Variants in NDC80 observed in about 807,000 individuals in gnomAD.
NDC80 encodes kinetochore protein NDC80 homolog.
NDC80 carries 69 observed loss-of-function variants against 89.3 expected under a neutral mutation model. The observed-to-expected ratio is 0.77, with a 90% confidence interval of 0.64 to 0.94. The LOEUF is 0.94. NDC80 is among the 40% of genes least tolerant of loss of function. The probability of loss-of-function intolerance (pLI) is 0.00; values close to 1 mark genes in which losing one functional copy is unlikely to be tolerated. For missense variants in NDC80, 593 were observed against 739.6 expected (o/e 0.80, Z 2.30); for synonymous variants, 243 against 255.6 (o/e 0.95, Z 0.47).
intron 10 of NDC80, 68 bp downstream of exon 10, chr18:2,590,230 C>T: frequency 1.4e-6 from 2 of 1,401,942 alleles, no homozygotes. Flanking sequence ...GTAAAAACAG[C>T]TTTGTTATCC....
intron 6 of NDC80, chr18:2,582,249 G>A (rs1002430990): frequency 6.6e-6 from 1 of 152,076 alleles, no homozygotes; most frequent in African/African-American, 2.4e-5. Flanking sequence ...GCTAATTTTT[G>A]TATTTTCAGT....
At chr18:2,597,543 C>A (rs1395817654) in intron 11 of NDC80, among the ~76,000 whole-genome samples, 1 of 151,998 alleles carries the variant, frequency 6.6e-6, no homozygotes, top group Non-Finnish European at 1.5e-5. Context: ...CCAGCCTGGC[C>A]AACATGGTGA....
rs377117140 is a variant in NDC80, at chr18:2,585,222, A to G, written c.669+20A>G. On this transcript the variant is annotated intron_variant, in intron 7 of 16. Transcript: ENST00000261597. ...AATAAGGTACCATGTATTATCATAA[A>G]CTGTAATAATGAATTGCCTTGATAT... is the stretch of plus-strand genomic sequence containing the variant. The G allele has an allele frequency of 2.6e-6, 4 of 1,553,754 alleles. No individual in the cohort carries two copies. The highest frequency in any genetic ancestry group is 2.7e-5 in the African/African-American group (2 of 73,748).
At chr18:2,598,756 T>C (rs2072669823) in intron 11 of NDC80, among the ~76,000 whole-genome samples, 1 of 152,198 alleles carries the variant, frequency 6.6e-6, no homozygotes, top group Admixed American at 6.5e-5. Flanking sequence ...TGGACTCTTA[T>C]TCCAAGCTGT....
At chr18:2,572,271 G>T (rs527769337) in intron 1 of NDC80, among the ~76,000 whole-genome samples, 4 of 152,348 alleles carry the variant, frequency 2.6e-5, no homozygotes, top group Admixed American at 1.3e-4. Flanking sequence ...ACCTGAGAAG[G>T]CTGGGTGCAG....
At chr18:2,574,896 G>A (rs2072538613) in intron 2 of NDC80, 93 bp from the exon 3 acceptor site, 1 of 761,912 alleles carries the variant, frequency 1.3e-6, no homozygotes, top group South Asian at 1.7e-5. Context: ...TATAGCTAGT[G>A]GGGAAGAGTT....
chr18:2,591,979 C>T (rs1889293740), intron 10 of NDC80, among the ~76,000 whole-genome samples: 1 of 152,146 alleles, frequency 6.6e-6, no homozygotes, highest in South Asian at 2.1e-4. Context: ...TGGTCTCAAA[C>T]TCCTGACCTC....
chr18:2,613,526 G>A (rs746755521), intron 16 of NDC80, among the ~76,000 whole-genome samples: 11 of 152,054 alleles, frequency 7.2e-5, no homozygotes, highest in Non-Finnish European at 1.6e-4. Context: ...CAGAATAGTT[G>A]GATAAAATGA....
At chr18:2,572,449 A>C (rs572538916) in intron 1 of NDC80, among the ~76,000 whole-genome samples, 13 of 152,362 alleles carry the variant, frequency 8.5e-5, no homozygotes, top group Non-Finnish European at 1.6e-4. Context: ...ATTGATGCCA[A>C]AAGGGCAGTA....
intron 16 of NDC80, among the ~76,000 whole-genome samples, chr18:2,612,235 C>T (rs2072748375): frequency 6.9e-6 from 1 of 144,254 alleles, no homozygotes; most frequent in African/African-American, 2.5e-5. Context: ...TTGTGCTAAA[C>T]AGTTGTGAAC....
At chr18:2,582,351 A>G (rs1220748680) in intron 6 of NDC80, 3 of 152,232 alleles carry the variant, frequency 2.0e-5, no homozygotes, top group Admixed American at 6.5e-5. Context: ...TGCTGGGATT[A>G]CAAGTGTGAG....
At chr18:2,591,536 G>A (rs2072627552) in intron 10 of NDC80, among the ~76,000 whole-genome samples, 1 of 151,370 alleles carries the variant, frequency 6.6e-6, no homozygotes, top group African/African-American at 2.4e-5. Flanking sequence ...GTCAACTCAA[G>A]ACTAGTAATT....
At chr18:2,597,460 G>A (rs1235972037) in intron 11 of NDC80, among the ~76,000 whole-genome samples, 2 of 152,210 alleles carry the variant, frequency 1.3e-5, no homozygotes, top group African/African-American at 2.4e-5. Flanking sequence ...TCCGGATGCA[G>A]TGGCACACGC....
intron 1 of NDC80, 77 bp from the exon 2 acceptor site, chr18:2,572,900 G>C (rs1024755105): frequency 1.9e-6 from 2 of 1,038,782 alleles, no homozygotes; most frequent in Non-Finnish European, 2.8e-6. Context: ...CTGTCTTTCT[G>C]TTTAAGGATA....
chr18:2,573,928 A>ACAGAG (rs1047904476), intron 2 of NDC80, among the ~76,000 whole-genome samples: 4 of 150,494 alleles, frequency 2.7e-5, no homozygotes, highest in Admixed American at 2.7e-4. Flanking sequence ...ACATTCTAAT[A>ACAGAG]CAGAGCAGGC....
chr18:2,592,106 T>C (rs1325304355), intron 10 of NDC80, among the ~76,000 whole-genome samples: 1 of 152,170 alleles, frequency 6.6e-6, no homozygotes, highest in African/African-American at 2.4e-5. Flanking sequence ...CAGCATATGA[T>C]CAAGAGAATT....
intron 11 of NDC80, 35 bp downstream of exon 11, chr18:2,595,656 A>C (rs1029686543): frequency 1.3e-6 from 2 of 1,580,190 alleles, no homozygotes; most frequent in Non-Finnish European, 1.7e-6. Flanking sequence ...GCAACTCATC[A>C]TAGCTGACCT....
intron 14 of NDC80, among the ~76,000 whole-genome samples, chr18:2,607,397 A>G (rs1474533975): frequency 6.6e-6 from 1 of 152,182 alleles, no homozygotes; most frequent in Non-Finnish European, 1.5e-5. Context: ...ATAAGGACCT[A>G]GATAAGGCTT....
intron 16 of NDC80, among the ~76,000 whole-genome samples, chr18:2,611,106 T>A (rs2072742197): frequency 7.1e-6 from 1 of 140,052 alleles, no homozygotes; most frequent in Non-Finnish European, 1.5e-5. Flanking sequence ...TGGAGTCCAA[T>A]GGCATGGTCT....
Sources: gnomAD v4.1 joint callset for allele counts (sites outside exome capture counted in the v4.1 genomes callset) on GRCh38, gnomAD v4.1.1 for gene constraint, MANE v1.5 for transcripts, NCBI Gene and HGNC (gene_info 2026-07-23, HGNC 2026-07-21) for gene names.